The following CDK10 variants were observed in gnomAD, a reference collection of about 807,000 sequenced individuals.
The protein encoded by CDK10 is cyclin dependent kinase 10, also known as cyclin-dependent kinase 10.
A neutral mutation model predicts 51.0 loss-of-function variants in CDK10; 55 were observed. That is an observed-to-expected ratio of 1.08 (90% confidence interval 0.87 to 1.35). The LOEUF is 1.35. CDK10 is among the 40% of genes most tolerant of loss of function. CDK10 has a pLI of 0.00. For synonymous variants in CDK10, 255 were observed against 199.1 expected, an observed-to-expected ratio of 1.28 and a Z score of -2.36; for missense variants, 589 against 485.1, an observed-to-expected ratio of 1.21 and a Z score of -2.01.
At chr16:89,692,999 G>T (rs748543618) in intron 6 of CDK10, among the ~76,000 whole-genome samples, 1 of 151,564 alleles carries the variant, frequency 6.6e-6, no homozygotes, top group African/African-American at 2.4e-5. Flanking sequence ...TTAGCCGGGC[G>T]TGGTGGCGGG....
intron 2 of CDK10, chr16:89,689,589 A>C (rs993337063): frequency 2.3e-6 from 1 of 432,718 alleles, no homozygotes; most frequent in Non-Finnish European, 4.2e-6. Context: ...TAGAGAAATA[A>C]AATACAGAAC....
At position 89,686,756 on chromosome 16, in the gene CDK10, A is replaced by T. The variant is rs1052543311; in HGVS notation, c.46A>T (p.Ile16Phe). The change falls in exon 1 of 13, where the codon ATT becomes TTT. Residue 16 changes from isoleucine to phenylalanine, a missense_variant. Physicochemically the swap from Ile to Phe is conservative, Grantham distance 21 (BLOSUM62 0). Coordinates refer to ENST00000353379, the MANE Select transcript of CDK10 (RefSeq NM_052988.5). ...LECEQIRLKC[I>F]RKEGFFTVPP... The stretch of plus-strand genomic sequence containing the variant: ...GTGCGAGCAGATCCGTCTGAAGTGT[A>T]TTCGTAAGGAGGGCTTCTTCACGGT... 6.2e-7 allele frequency: 1 copy of T among 1,612,286 alleles called. No individual in the cohort carries two copies. The highest frequency in any genetic ancestry group is 8.5e-7 in the Non-Finnish European group (1 of 1,179,122).
In CDK10 at chr16:89,692,470, G is replaced by C; in HGVS notation, c.439G>C (p.Val147Leu). The C allele has an allele frequency of 6.3e-7, 1 of 1,596,758 alleles. No homozygotes were observed. The highest frequency in any genetic ancestry group is 8.5e-7 in the Non-Finnish European group (1 of 1,171,356). ...EAQVKCIVLQ[V>L]LRGLQYLHRN... The stretch of plus-strand genomic sequence containing the variant: ...ACAGGTCAAGTGCATCGTGCTGCAG[G>C]TGCTCCGGGGCCTCCAGTATCTGCA... The change falls in exon 6 of 13, where the codon GTG (valine) becomes CTG (leucine). Residue 147 changes from valine (V) to leucine (L), a missense_variant. Coordinates refer to ENST00000353379, the MANE Select transcript of CDK10 (RefSeq NM_052988.5).
In CDK10 at chr16:89,686,734, C is replaced by T. The variant is rs185587002; in HGVS notation, c.24C>T (p.Cys8=). The T allele has an allele frequency of 4.9e-5, 79 of 1,610,416 alleles. No homozygotes were observed. The Admixed American group carries it at 1.0e-3, about 21-fold the overall frequency. The part of the protein sequence containing the change: MAEPDLE[C]EQIRLKCIRK... ...GCATGGCGGAGCCAGATCTGGAGTG[C>T]GAGCAGATCCGTCTGAAGTGTATTC... Residue 8 remains cysteine, a synonymous_variant, in exon 1 of 13, where the codon TGC becomes TGT. Coordinates refer to ENST00000353379, the MANE Select transcript of CDK10 (RefSeq NM_052988.5).
rs1567514585 is a variant in CDK10, at chr16:89,690,577, A to G, written c.185A>G (p.Asp62Gly). ...GATCGGGCCCGGGACACCCAGACAG[A>G]TGAGATTGTCGCACTGAAGAAGGTG... ...IVYRARDTQTDEIVALKKVRM... is the reference protein window; with the variant it reads ...IVYRARDTQTGEIVALKKVRM... The change falls in exon 3 of 13, where the codon GAT becomes GGT. Residue 62 changes from aspartate (D) to glycine (G), a missense_variant. Physicochemically the swap from Asp to Gly is moderately conservative, Grantham distance 94 (BLOSUM62 -1). Transcript: ENST00000353379. 1 of 1,614,174 alleles carries G rather than the reference A, an allele frequency of 6.2e-7. No homozygotes were observed. The highest frequency in any genetic ancestry group is 8.5e-7 in the Non-Finnish European group (1 of 1,180,030).
chr16:89,688,757 T>C (rs1407956684), intron 1 of CDK10, among the ~76,000 whole-genome samples: 1 of 152,192 alleles, frequency 6.6e-6, no homozygotes, highest in African/African-American at 2.4e-5. Flanking sequence ...CCGCCTCTGA[T>C]ATTTCTTTCA....
chr16:89,691,932 C>T (rs1189567116), intron 5 of CDK10, 45 bp downstream of exon 5: 4 of 1,516,574 alleles, frequency 2.6e-6, no homozygotes, highest in African/African-American at 1.4e-5. Flanking sequence ...GCTTCATGGG[C>T]CCTTGTGGTG....
intron 2 of CDK10, chr16:89,689,551 C>T (rs964855472): frequency 7.2e-6 from 4 of 553,266 alleles, no homozygotes; most frequent in African/African-American, 5.7e-5. Context: ...ATAATCCAAA[C>T]GTGTCACTGC....
intron 7 of CDK10, 26 bp from the exon 8 acceptor site, chr16:89,693,372 G>A: frequency 5.6e-6 from 9 of 1,614,118 alleles, no homozygotes; most frequent in Non-Finnish European, 6.8e-6. Flanking sequence ...GGCACTTGGT[G>A]ACACACACTC....
At chr16:89,695,115 T>C (rs534464908) in intron 11 of CDK10, 45 bp downstream of exon 11, 1 of 1,581,362 alleles carries the variant, frequency 6.3e-7, no homozygotes, top group African/African-American at 1.3e-5. Flanking sequence ...CCACCCACAC[T>C]GTCCAGACCG....
rs200252159 is a variant in CDK10, at chr16:89,695,370, G to A, written c.985+25G>A. 4.4e-6 allele frequency: 7 copies of A among 1,605,614 alleles called. No individual in the cohort carries two copies. The East Asian group carries it at 1.1e-4, about 26-fold the overall frequency. Reference sequence around the variant, plus strand: ...CGTGAGTGTGCAGGGTTCCTGACTCGCTCTGTGGGGTATGGCTGGGAGCCC... The same window carrying A: ...CGTGAGTGTGCAGGGTTCCTGACTCACTCTGTGGGGTATGGCTGGGAGCCC... On this transcript the variant is annotated intron_variant, in intron 12 of 12. Transcript: ENST00000353379.
In CDK10 at chr16:89,690,590, A is replaced by C; in HGVS notation, c.198A>C (p.Ala66=). ...ARDTQTDEIV[A]LKKVRMDKEK... The stretch of plus-strand genomic sequence containing the variant: ...ACACCCAGACAGATGAGATTGTCGC[A>C]CTGAAGAAGGTGCGGATGGACAAGG... The change falls in exon 3 of 13, where the codon GCA becomes GCC. Residue 66 remains alanine, a synonymous_variant. Coordinates refer to ENST00000353379, the MANE Select transcript of CDK10 (RefSeq NM_052988.5). The C allele has an allele frequency of 6.2e-7, 1 of 1,614,152 alleles. No individual in the cohort carries two copies. Among genetic ancestry groups the C allele is most frequent in the Non-Finnish European group, 8.5e-7 (1 of 1,180,024 alleles).
chr16:89,687,154 A>C, intron 1 of CDK10: 1 of 213,592 alleles, frequency 4.7e-6, no homozygotes, highest in Admixed American at 5.3e-5. Context: ...TTGTGGGGAG[A>C]ATTTACACCC....
rs2060706973 is a variant in CDK10, at chr16:89,696,043, TGTG to T, written c.*356_*358del. 1.7e-6 allele frequency: 1 copy of T among 574,958 alleles called. No homozygotes were observed. The allele number at this position is 574,958 out of a possible 1,614,324, so 35.6% of individuals were successfully genotyped here. A position where few individuals can be genotyped will look rare whatever the true frequency, so the allele number is the denominator to read the frequency against. On this transcript the variant is annotated 3_prime_UTR_variant, in exon 13 of 13. Coordinates refer to ENST00000353379, the MANE Select transcript of CDK10 (RefSeq NM_052988.5). ...TGCAGTCCCCCCGCTGTCTTTGAGT[TGTG>T]GTGGACGCTGGCCTGGGATGAGAGG... is the stretch of plus-strand genomic sequence containing the variant.
chr16:89,691,283 CAA>C (rs751971099), intron 3 of CDK10, among the ~76,000 whole-genome samples, 158 bp from the exon 4 acceptor site: 2 of 142,818 alleles, frequency 1.4e-5, no homozygotes, highest in Non-Finnish European at 1.5e-5. Flanking sequence ...AACTCCGTCT[CAA>C]AAAAAAAAAA....
chr16:89,687,683 C>T (rs1351893870), intron 1 of CDK10: 9 of 437,344 alleles, frequency 2.1e-5, no homozygotes, highest in South Asian at 1.3e-4. Context: ...CCTGCCTCGG[C>T]CTCCCAAGTG....
chr16:89,689,134 C>T (rs1299348515), intron 1 of CDK10, 118 bp from the exon 2 acceptor site: 5 of 869,230 alleles, frequency 5.8e-6, no homozygotes, highest in Non-Finnish European at 5.6e-6. Flanking sequence ...CGTGTGGTTG[C>T]CTTTCTGTTT....
At chr16:89,689,495 A>G (rs258322) in intron 2 of CDK10, 171 bp downstream of exon 2, 530,461 of 618,936 alleles carry the variant, frequency 0.86, 232,131 homozygotes, top group Middle Eastern at 0.95. Context: ...TATCACAAAC[A>G]TTGTACCATT....
rs746140687 is a variant in CDK10, at chr16:89,693,263, T to C, written c.486-11T>C. The C allele has an allele frequency of 4.3e-5, 70 of 1,613,974 alleles. No homozygotes were observed. Among genetic ancestry groups the C allele is most frequent in the Non-Finnish European group, 5.7e-5 (67 of 1,180,022 alleles). Reference sequence around the variant, plus strand: ...CTCTGGGAGCCACCTGCCACTGTTTTTCCATCACAGGGACCTGAAGGTTTC... The same window carrying C: ...CTCTGGGAGCCACCTGCCACTGTTTCTCCATCACAGGGACCTGAAGGTTTC... On this transcript the variant is annotated splice_polypyrimidine_tract_variant and intron_variant, in intron 6 of 12. Transcript: ENST00000353379.
Sources: gnomAD v4.1 joint callset for allele counts (sites outside exome capture counted in the v4.1 genomes callset) on GRCh38, gnomAD v4.1.1 for gene constraint, MANE v1.5 for transcripts, NCBI Gene and HGNC (gene_info 2026-07-23, HGNC 2026-07-21) for gene names.